TET1: variants seen among roughly 807,000 people sequenced by gnomAD.
The protein encoded by TET1 is methylcytosine dioxygenase TET1.
A neutral mutation model predicts 148.7 loss-of-function variants in TET1; 13 were observed. That is an observed-to-expected ratio of 0.09 (90% CI 0.06 to 0.14). TET1 has a LOEUF of 0.14. Among genes scored for constraint, TET1 ranks in the 10% least tolerant of loss-of-function variants. TET1 has a pLI of 1.00. For missense variants in TET1, 2,182 were observed against 2,553.8 expected (o/e 0.85, Z 3.14); for synonymous variants, 907 against 937.2 (o/e 0.97, Z 0.59).
chr10:68,601,147 T>C, intron 3 of TET1, 113 bp downstream of exon 3: 1 of 875,410 alleles, frequency 1.1e-6, no homozygotes, highest in Admixed American at 2.9e-5. Context: ...AGATTTTCAG[T>C]AGATGGATGA....
chr10:68,561,818 G>T (rs189626632), intron 1 of TET1, among the ~76,000 whole-genome samples: 9 of 151,438 alleles, frequency 5.9e-5, no homozygotes, highest in African/African-American at 2.2e-4. Context: ...ATCTTTCCAC[G>T]TGAACGAGAA....
In TET1 at chr10:68,691,144, C is replaced by G; in HGVS notation, c.5741C>G (p.Ser1914Cys). 1.2e-6 allele frequency: 2 copies of G among 1,614,212 alleles called. No individual in the cohort carries two copies. Among genetic ancestry groups the G allele is most frequent in the Non-Finnish European group, 1.7e-6 (2 of 1,180,046 alleles). ...GAAGTGGCTCCTCTCCCCACCCTGT[C>G]TGCTCCTGTGATGGAGCCCCTCATT... ...LGEVAPLPTL[S>C]APVMEPLINS... is the part of the protein sequence containing the mutation. Residue 1914 changes from serine to cysteine, a missense_variant, in exon 12 of 12, where the codon TCT (serine) becomes TGT (cysteine). By Grantham distance (112) the Ser-to-Cys change is moderately radical (BLOSUM62 -1). Around this residue, in one of 11 missense-constraint regions of TET1, gnomAD observed 380 missense variants for 387.9 expected, o/e 0.98. Coordinates refer to ENST00000373644, the MANE Select transcript of TET1 (RefSeq NM_030625.3). This position sits in a 1 kb window ranked among gnomAD's most constrained non-coding sequence, Gnocchi z 4.4.
intron 3 of TET1, among the ~76,000 whole-genome samples, chr10:68,627,606 A>G (rs2054504528): frequency 6.6e-6 from 1 of 151,614 alleles, no homozygotes; most frequent in African/African-American, 2.4e-5. Flanking sequence ...AAAAAAAAGT[A>G]AAAAGAAAAC....
At chr10:68,606,806 T>C (rs1225187808) in intron 3 of TET1, among the ~76,000 whole-genome samples, 1 of 152,232 alleles carries the variant, frequency 6.6e-6, no homozygotes, top group Admixed American at 6.5e-5. Context: ...TTTAATAATT[T>C]AGTTTTATGA....
intron 10 of TET1, among the ~76,000 whole-genome samples, chr10:68,684,530 T>A (rs2055483515): frequency 6.6e-6 from 1 of 152,152 alleles, no homozygotes; most frequent in Non-Finnish European, 1.5e-5. Flanking sequence ...CCAGGACATT[T>A]TACCTGAATT....
intron 2 of TET1, among the ~76,000 whole-genome samples, chr10:68,584,230 T>C (rs55706416): frequency 0.49 from 73,492 of 149,744 alleles, 18,631 homozygotes; most frequent in East Asian, 0.56. Flanking sequence ...TTATTAGAGA[T>C]GGGGTTTCAC....
intron 6 of TET1, among the ~76,000 whole-genome samples, chr10:68,666,498 T>C (rs748167781): frequency 6.6e-6 from 1 of 152,156 alleles, no homozygotes; most frequent in Admixed American, 6.5e-5. Context: ...CATTAGATGG[T>C]TTTTTTCCAT....
In TET1 at chr10:68,691,208, G is replaced by A. The variant is rs763093434; in HGVS notation, c.5805G>A (p.Thr1935=). The A allele has an allele frequency of 5.0e-6, 8 of 1,614,060 alleles. No individual in the cohort carries two copies. The highest frequency in any genetic ancestry group is 4.5e-5 in the East Asian group (2 of 44,872). The part of the protein sequence containing the change: ...EPSTGVTEPL[T]PHQPNHQPSF... Reference sequence around the variant, plus strand: ...CCACTGGTGTGACTGAGCCGCTAACGCCTCATCAGCCAAACCACCAGCCCT... The same window carrying A: ...CCACTGGTGTGACTGAGCCGCTAACACCTCATCAGCCAAACCACCAGCCCT... Residue 1935 remains threonine (T), a synonymous_variant, in exon 12 of 12, where the codon ACG becomes ACA. Transcript: ENST00000373644. The surrounding 1 kb of genome is among the most constrained non-coding windows in gnomAD (Gnocchi z 4.4).
intron 3 of TET1, among the ~76,000 whole-genome samples, chr10:68,604,776 A>G (rs1206457220): frequency 3.9e-5 from 6 of 152,222 alleles, no homozygotes; most frequent in Admixed American, 3.9e-4. Context: ...GGTAGAGTGA[A>G]CAATAGTACT....
At chr10:68,630,576 A>C (rs1214672223) in intron 3 of TET1, among the ~76,000 whole-genome samples, 1 of 152,076 alleles carries the variant, frequency 6.6e-6, no homozygotes, top group Non-Finnish European at 1.5e-5. Flanking sequence ...CGGCCTCCCA[A>C]AGCGCTGGGA....
At chr10:68,637,304 C>A (rs1202028780) in intron 3 of TET1, among the ~76,000 whole-genome samples, 1 of 151,766 alleles carries the variant, frequency 6.6e-6, no homozygotes, top group African/African-American at 2.4e-5. Context: ...TTCTTTTTAT[C>A]CCTAAAAAAA....
intron 3 of TET1, among the ~76,000 whole-genome samples, chr10:68,617,738 G>A (rs1007310745): frequency 7.2e-5 from 11 of 151,758 alleles, no homozygotes; most frequent in South Asian, 2.1e-4. Context: ...TAGAGGCGGG[G>A]TTTCACCATG....
rs778770592 is a variant in TET1 at position 68,573,440 on chromosome 10, G to T, written c.1102G>T (p.Ala368Ser). 3 of 1,614,000 alleles carry T rather than the reference G, an allele frequency of 1.9e-6. No individual in the cohort carries two copies. Among genetic ancestry groups the T allele is most frequent in the African/African-American group, 1.3e-5 (1 of 74,894 alleles). Residue 368 changes from alanine (A) to serine (S), a missense_variant, in exon 2 of 12, where the codon GCC becomes TCC. Ala to Ser is a moderately conservative substitution (Grantham distance 99). This residue lies in a region of TET1 where 665 missense variants were observed against 672.4 expected (regional missense o/e 0.99). Transcript: ENST00000373644. ...VSDTTSFLGQ[A>S]FGAIPHQWEL... Reference sequence around the variant, plus strand: ...TGATACCACCTCTTTCCTAGGACAGGCCTTTGGTGCTATCCCACATCAATG... The same window carrying T: ...TGATACCACCTCTTTCCTAGGACAGTCCTTTGGTGCTATCCCACATCAATG...
intron 10 of TET1, among the ~76,000 whole-genome samples, chr10:68,684,917 G>A (rs1483707177): frequency 6.6e-6 from 1 of 152,056 alleles, no homozygotes; most frequent in Non-Finnish European, 1.5e-5. Context: ...TTTTCAGCAT[G>A]ACTATTATTA....
chr10:68,690,799 C>T lies in TET1; in HGVS notation c.5405-9C>T, dbSNP rs760842809. On this transcript the variant is annotated splice_polypyrimidine_tract_variant and intron_variant, in intron 11 of 11. Coordinates refer to ENST00000373644, the MANE Select transcript of TET1 (RefSeq NM_030625.3). ...TGTATTTTTCTTCACATTTGGTGTCCTTGTTTAGGGAGTAACACTGAGACC... is the reference window on the plus strand; with the variant it reads ...TGTATTTTTCTTCACATTTGGTGTCTTTGTTTAGGGAGTAACACTGAGACC... 6.4e-7 allele frequency: 1 copy of T among 1,560,814 alleles called. No homozygotes were observed. The highest frequency in any genetic ancestry group is 2.0e-5 in the Admixed American group (1 of 50,970).
rs960765137 is a variant in TET1 at position 68,645,472 on chromosome 10, A to G, written c.2743A>G (p.Lys915Glu). ...SENSSPSKSE[K>E]DEESEQRTAS... is the part of the protein sequence containing the mutation. Reference sequence around the variant, plus strand: ...GAATTCCTCCCCATCAAAGTCAGAGAAGGATGAGGAATCAGAGCAGAGAAC... The same window carrying G: ...GAATTCCTCCCCATCAAAGTCAGAGGAGGATGAGGAATCAGAGCAGAGAAC... Residue 915 changes from lysine (K) to glutamate (E), a missense_variant, in exon 4 of 12, where the codon AAG (lysine) becomes GAG (glutamate). Lys to Glu is a moderately conservative substitution (Grantham distance 56). Coordinates refer to ENST00000373644, the MANE Select transcript of TET1 (RefSeq NM_030625.3). 7 of 1,613,772 alleles carry G rather than the reference A, an allele frequency of 4.3e-6. No individual in the cohort carries two copies. Among genetic ancestry groups the G allele is most frequent in the Non-Finnish European group, 5.9e-6 (7 of 1,180,044 alleles).
intron 8 of TET1, among the ~76,000 whole-genome samples, chr10:68,680,320 C>G (rs376295606): frequency 1.3e-5 from 2 of 152,206 alleles, no homozygotes; most frequent in East Asian, 3.8e-4. Context: ...CTCACTCACC[C>G]TGTTTAGTCC....
At chr10:68,606,268 G>C (rs2132895879) in intron 3 of TET1, among the ~76,000 whole-genome samples, 1 of 152,280 alleles carries the variant, frequency 6.6e-6, no homozygotes, top group Admixed American at 6.5e-5. Flanking sequence ...TTGGGAGGCT[G>C]AGGCAGGAGA....
In TET1 at chr10:68,645,500, C is replaced by A; in HGVS notation, c.2771C>A (p.Ala924Asp). The change falls in exon 4 of 12, where the codon GCC (alanine) becomes GAC (aspartate). Residue 924 changes from alanine to aspartate, a missense_variant. Physicochemically the swap from Ala to Asp is moderately radical, Grantham distance 126 (BLOSUM62 -2). This residue lies in a region of TET1 where 582 missense variants were observed against 599.5 expected (regional missense o/e 0.97). Transcript: ENST00000373644. ...GATGAGGAATCAGAGCAGAGAACAGCCAGTTTGCTTAATAGCTGCAAAGCT... is the reference window on the plus strand; with the variant it reads ...GATGAGGAATCAGAGCAGAGAACAGACAGTTTGCTTAATAGCTGCAAAGCT... ...EKDEESEQRT[A>D]SLLNSCKAIL... 1 of 1,613,958 alleles carries A rather than the reference C, an allele frequency of 6.2e-7. No individual in the cohort carries two copies. Among genetic ancestry groups the A allele is most frequent in the African/African-American group, 1.3e-5 (1 of 75,054 alleles).
Sources: allele counts gnomAD v4.1 joint callset (sites outside exome capture counted in the v4.1 genomes callset), GRCh38; gene constraint gnomAD v4.1.1; regional missense constraint gnomAD v4.1.1; non-coding constraint Gnocchi (gnomAD v3.1); transcripts MANE v1.5; gene names NCBI Gene and HGNC (gene_info 2026-07-23, HGNC 2026-07-21).